The following WBP1L variants were observed in gnomAD, a reference collection of about 807,000 sequenced individuals.
WBP1L encodes the protein WW domain binding protein 1-like.
In WBP1L, 17 loss-of-function variants were observed where a neutral mutation model predicts 33.7. That is an observed-to-expected ratio of 0.50 (90% CI 0.34 to 0.76). The LOEUF is 0.76. Among genes scored for constraint, WBP1L ranks in the 30% least tolerant of loss-of-function variants. WBP1L has a pLI of 0.01. For missense variants in WBP1L, 389 were observed against 469.4 expected (o/e 0.83, Z 1.58); for synonymous variants, 173 against 190.8 (o/e 0.91, Z 0.77).
intron 1 of WBP1L, among the ~76,000 whole-genome samples, chr10:102,759,949 T>C (rs1463616539): frequency 6.6e-6 from 1 of 152,224 alleles, no homozygotes; most frequent in Non-Finnish European, 1.5e-5. Context: ...TCCAGACTTT[T>C]CTGAAGCAGC....
intron 1 of WBP1L, among the ~76,000 whole-genome samples, chr10:102,762,909 A>G (rs967988801): frequency 6.6e-6 from 1 of 152,074 alleles, no homozygotes; most frequent in African/African-American, 2.4e-5. Context: ...TGGAACATAG[A>G]ATTTAGAGAC....
chr10:102,771,066 G>A (rs1195883828), intron 1 of WBP1L, among the ~76,000 whole-genome samples: 2 of 152,180 alleles, frequency 1.3e-5, no homozygotes, highest in Non-Finnish European at 2.9e-5. Flanking sequence ...TTGTGGCTGT[G>A]AGATACTTAG....
chr10:102,811,113 G>A (rs1285238059), intron 3 of WBP1L, among the ~76,000 whole-genome samples: 2 of 152,082 alleles, frequency 1.3e-5, no homozygotes, highest in African/African-American at 4.8e-5. Flanking sequence ...ATGTGGAATT[G>A]AAACAATTGT....
chr10:102,801,784 AGCAAATCCTGTCAGTG>A (rs1196112790), intron 2 of WBP1L, among the ~76,000 whole-genome samples: 2 of 152,092 alleles, frequency 1.3e-5, no homozygotes, highest in African/African-American at 4.8e-5. Flanking sequence ...ACAGGCTATT[AGCAAATCCTGTCAGTG>A]CTGCCCAACT....
intron 1 of WBP1L, among the ~76,000 whole-genome samples, chr10:102,746,874 T>C (rs1842869879): frequency 6.6e-6 from 1 of 152,298 alleles, no homozygotes; most frequent in Non-Finnish European, 1.5e-5. Context: ...ACATACACAT[T>C]TACCATCAGA....
At chr10:102,745,455 C>G (rs1842854660) in intron 1 of WBP1L, among the ~76,000 whole-genome samples, 1 of 152,306 alleles carries the variant, frequency 6.6e-6, no homozygotes, top group South Asian at 2.1e-4. Context: ...AGCAGTTACT[C>G]TCTGTCTCCC....
intron 1 of WBP1L, among the ~76,000 whole-genome samples, chr10:102,750,379 A>G (rs1419894863): frequency 2.0e-5 from 3 of 151,862 alleles, no homozygotes; most frequent in Non-Finnish European, 2.9e-5. Flanking sequence ...TGGGCGATAG[A>G]GTGAGACCCT....
At position 102,757,478 on chromosome 10, in the gene WBP1L, C is replaced by G. The variant is rs895523923; in HGVS notation, c.90+13335C>G. Among the ~76,000 whole-genome samples the G allele has an allele frequency of 2.6e-5, 4 of 151,754 alleles. No homozygotes were observed. The South Asian group carries it at 8.4e-4, about 32-fold the overall frequency. ...ATGTGGCTCTGTCTGCTCTCATACA[C>G]AGTACTGTGCTGCAGTGAGGGGGAT... On this transcript the variant is annotated intron_variant, in intron 1 of 3. Coordinates refer to ENST00000448841, the MANE Select transcript of WBP1L (RefSeq NM_001083913.2).
intron 1 of WBP1L, among the ~76,000 whole-genome samples, chr10:102,761,063 A>AT (rs1420920524): frequency 7.4e-6 from 1 of 135,354 alleles, no homozygotes; most frequent in Non-Finnish European, 1.6e-5. Context: ...ATTTTTTTTT[A>AT]TTTTTTAATT....
chr10:102,784,667 T>C (rs917384573), intron 1 of WBP1L, among the ~76,000 whole-genome samples: 13 of 152,048 alleles, frequency 8.5e-5, no homozygotes, highest in South Asian at 2.1e-4. Flanking sequence ...TCTCGTGATC[T>C]GCCCACCTTG....
intron 3 of WBP1L, 86 bp downstream of exon 3, chr10:102,810,140 C>T (rs1843808820): frequency 1.3e-6 from 2 of 1,511,276 alleles, no homozygotes; most frequent in Non-Finnish European, 1.8e-6. Flanking sequence ...TGGCCAGGCT[C>T]CTGTAGGCAT....
intron 1 of WBP1L, chr10:102,776,404 TG>T: frequency 1.2e-6 from 2 of 1,614,186 alleles, no homozygotes; most frequent in African/African-American, 2.7e-5. Context: ...CCTTTCCTTT[TG>T]GGTCTTAGAC....
intron 1 of WBP1L, among the ~76,000 whole-genome samples, chr10:102,777,001 G>T (rs1388967361): frequency 6.6e-6 from 1 of 152,084 alleles, no homozygotes; most frequent in African/African-American, 2.4e-5. Flanking sequence ...TTTTCAAAAA[G>T]ACCCCTGTGG....
At chr10:102,810,615 G>A (rs1843824286) in intron 3 of WBP1L, among the ~76,000 whole-genome samples, 2 of 132,682 alleles carry the variant, frequency 1.5e-5, no homozygotes, top group East Asian at 2.3e-4. Flanking sequence ...TGCCCAGGCT[G>A]GAGTGCAGTG....
In WBP1L at chr10:102,770,165, C is replaced by T. The variant is rs530340026; in HGVS notation, c.90+26022C>T. ...GGATTCTTTTGTTAATGCCTAGCCT[C>T]ACACCCATGACATGAAGATGTCTCA... On this transcript the variant is annotated intron_variant, in intron 1 of 3. Coordinates refer to ENST00000448841, the MANE Select transcript of WBP1L (RefSeq NM_001083913.2). 3.3e-5 allele frequency among the ~76,000 whole-genome samples: 5 copies of T among 152,336 alleles called. No individual in the cohort carries two copies. In the East Asian group the frequency reaches 9.6e-4, roughly 29 times the overall value.
At chr10:102,761,961 C>T (rs944538576) in intron 1 of WBP1L, among the ~76,000 whole-genome samples, 24 of 152,174 alleles carry the variant, frequency 1.6e-4, no homozygotes, top group Non-Finnish European at 3.4e-4. Context: ...AATCCCCCTA[C>T]CTTAACCTCT....
chr10:102,755,155 G>C (rs923149988), intron 1 of WBP1L, among the ~76,000 whole-genome samples: 1 of 151,986 alleles, frequency 6.6e-6, no homozygotes, highest in Admixed American at 6.6e-5. Flanking sequence ...CACCATGTTG[G>C]CCAGGCTGGT....
chr10:102,747,823 C>T (rs1172474248), intron 1 of WBP1L, among the ~76,000 whole-genome samples: 1 of 152,164 alleles, frequency 6.6e-6, no homozygotes, highest in African/African-American at 2.4e-5. Flanking sequence ...CCACTCTGCC[C>T]AGCCTAAACA....
intron 1 of WBP1L, among the ~76,000 whole-genome samples, chr10:102,772,558 CTTTTTTTTTTT>C (rs34624231): frequency 1.2e-4 from 8 of 64,740 alleles, no homozygotes; most frequent in Admixed American, 5.9e-4. Flanking sequence ...ATGCCCGGCC[CTTTTTTTTTTT>C]TTTTTTTTTT....
Sources: gnomAD v4.1 joint callset for allele counts (sites outside exome capture counted in the v4.1 genomes callset) on GRCh38, gnomAD v4.1.1 for gene constraint, MANE v1.5 for transcripts, NCBI Gene and HGNC (gene_info 2026-07-23, HGNC 2026-07-21) for gene names.